Variants in OC90 observed in about 807,000 individuals in gnomAD.
OC90 encodes otoconin-90.
Under a neutral mutation model 47.3 loss-of-function variants are expected in OC90, and 46 were observed. The observed-to-expected ratio is 0.97, with a 90% CI of 0.77 to 1.24. The LOEUF (loss-of-function observed/expected upper bound fraction) is 1.24. OC90 is among the 50% of genes most tolerant of loss of function. The probability of loss-of-function intolerance (pLI) is 0.00; values close to 1 mark genes in which losing one functional copy is unlikely to be tolerated. For synonymous variants in OC90, 271 were observed against 219.5 expected (o/e 1.23, Z -2.07); for missense variants, 688 against 583.9 (o/e 1.18, Z -1.84).
rs202199741 is a variant in OC90, at chr8:132,029,101, C to T, written c.1110G>A (p.Pro370=). ...GCLLERLPWS[P]VVCVDHTPKC... ...TGGGCGTATGATCCACACACACCAC[C>T]GGTGACCAAGGAAGCCTCTCAAGCA... is the stretch of plus-strand genomic sequence containing the variant. The change falls in exon 13 of 14, where the codon CCG becomes CCA. Residue 370 remains proline, a synonymous_variant. Transcript: ENST00000254627. 112 of 1,613,670 alleles carry T rather than the reference C, an allele frequency of 6.9e-5. No homozygotes were observed. The highest frequency in any genetic ancestry group is 2.5e-4 in the East Asian group (11 of 44,892).
At chr8:132,033,203 G>A in intron 10 of OC90, 39 bp from the exon 11 acceptor site, 1 of 1,588,194 alleles carries the variant, frequency 6.3e-7, no homozygotes, top group Non-Finnish European at 8.6e-7. Context: ...TTCAAAAAGT[G>A]GCTCAAGGAG....
intron 11 of OC90, among the ~76,000 whole-genome samples, chr8:132,032,440 G>T (rs1445503104): frequency 2.6e-5 from 4 of 152,064 alleles, no homozygotes; most frequent in Non-Finnish European, 5.9e-5. Context: ...AGCACACCTG[G>T]CTGGGCTTGC....
intron 1 of OC90, among the ~76,000 whole-genome samples, chr8:132,056,839 T>G (rs2130866805): frequency 6.6e-6 from 1 of 152,232 alleles, no homozygotes; most frequent in East Asian, 1.9e-4. Context: ...GTAGTCACTT[T>G]CTGCCACTCA....
In OC90 at chr8:132,026,417, G is replaced by A. The variant is rs191678711; in HGVS notation, c.1139-1641C>T. Among the ~76,000 whole-genome samples the A allele has an allele frequency of 6.3e-4, 96 of 152,282 alleles. 2 individuals carry two copies. In the East Asian group the frequency reaches 0.014, roughly 23 times the overall value. ...CACGTCAGCCCCAGACATGCCAGTT[G>A]CATTTCAGCAGCAGGAAGTGACAAG... On this transcript the variant is annotated intron_variant, in intron 13 of 13. Transcript: ENST00000254627.
chr8:132,047,056 C>T (rs1207791759), intron 2 of OC90, among the ~76,000 whole-genome samples: 2 of 152,204 alleles, frequency 1.3e-5, no homozygotes, highest in East Asian at 1.9e-4. Context: ...GCAGGAAACA[C>T]TTCCATACAC....
intron 5 of OC90, 31 bp from the exon 6 acceptor site, chr8:132,041,187 G>C (rs200749425): frequency 2.2e-5 from 31 of 1,419,358 alleles, no homozygotes; most frequent in Non-Finnish European, 3.0e-5. Flanking sequence ...GGCAGGGTGA[G>C]AGTGTGGGTT....
chr8:132,028,216 A>G (rs1822786818), intron 13 of OC90, among the ~76,000 whole-genome samples: 1 of 152,064 alleles, frequency 6.6e-6, no homozygotes, highest in African/African-American at 2.4e-5. Flanking sequence ...CATTAAGAAG[A>G]GTATTGGTCG....
chr8:132,044,412 G>A (rs762980833), intron 4 of OC90, 21 bp downstream of exon 4: 1 of 1,429,844 alleles, frequency 7.0e-7, no homozygotes, highest in South Asian at 1.2e-5. Context: ...GTGGATAAAA[G>A]CAATTTTAGA....
At chr8:132,053,975 C>T (rs1251090598) in intron 2 of OC90, among the ~76,000 whole-genome samples, 3 of 152,218 alleles carry the variant, frequency 2.0e-5, no homozygotes, top group Non-Finnish European at 4.4e-5. Flanking sequence ...CCTCACCATG[C>T]ACAGAGACCC....
intron 2 of OC90, 115 bp downstream of exon 2, chr8:132,054,866 G>A (rs1823261250): frequency 1.7e-6 from 1 of 600,332 alleles, no homozygotes; most frequent in Non-Finnish European, 2.8e-6. Flanking sequence ...GAAAGATAAG[G>A]ACATTTAAAA....
rs559832903 is a variant in OC90 at position 132,038,648 on chromosome 8, G to A, written c.628+142C>T. ...TTTATCAGAAGTAACACATCTCCTAGCCAGAGAAGGCAGGACCACTTCCAG... is the reference window on the plus strand; with the variant it reads ...TTTATCAGAAGTAACACATCTCCTAACCAGAGAAGGCAGGACCACTTCCAG... On this transcript the variant is annotated intron_variant, in intron 8 of 13. Transcript: ENST00000254627. 546 of 699,528 alleles carry A rather than the reference G, an allele frequency of 7.8e-4. 1 individual carries two copies. Among genetic ancestry groups the A allele is most frequent in the Non-Finnish European group, 2.0e-4 (77 of 392,618 alleles). 43.3% of individuals were successfully genotyped at this position (699,528 alleles called of 1,614,324 possible).
rs188546512 is a variant in OC90 at position 132,037,432 on chromosome 8, G to C, written c.679+6C>G. The C allele has an allele frequency of 1.6e-5, 26 of 1,579,298 alleles. No individual in the cohort carries two copies. The highest frequency in any genetic ancestry group is 2.2e-5 in the Non-Finnish European group (25 of 1,161,148). On this transcript the variant is annotated splice_donor_region_variant and intron_variant, in intron 9 of 13. Transcript: ENST00000254627. The stretch of plus-strand genomic sequence containing the variant: ...TTGGGTTCCACACTAGCCCCTTCTG[G>C]CTCACCTTCTCCTGAAAGGGCTGTC...
At chr8:132,035,669 CATGAA>C (rs1822947990) in intron 9 of OC90, among the ~76,000 whole-genome samples, 1 of 152,206 alleles carries the variant, frequency 6.6e-6, no homozygotes, top group Non-Finnish European at 1.5e-5. Flanking sequence ...ACAAATGCTC[CATGAA>C]AGAGGGAGAT....
chr8:132,050,618 G>A (rs376758461), intron 2 of OC90, among the ~76,000 whole-genome samples: 3 of 152,104 alleles, frequency 2.0e-5, no homozygotes, highest in Admixed American at 6.6e-5. Context: ...TTCTTTCCTC[G>A]TTGAGCCTCA....
intron 9 of OC90, 120 bp downstream of exon 9, chr8:132,037,318 C>A: frequency 1.2e-6 from 1 of 820,892 alleles, no homozygotes; most frequent in South Asian, 1.5e-5. Flanking sequence ...TTCACACCAT[C>A]CCTTCGGTGC....
In OC90 at chr8:132,024,381, G is replaced by A; in HGVS notation, c.*100C>T. ...CCTCCCCGCCTCTGAGTTAAAGGAA[G>A]GGAAGAAGGCTCCAAGGGACAGAGG... On this transcript the variant is annotated 3_prime_UTR_variant, in exon 14 of 14. Transcript: ENST00000254627. The A allele has an allele frequency of 2.0e-6, 2 of 981,984 alleles. No homozygotes were observed. Among genetic ancestry groups the A allele is most frequent in the Admixed American group, 2.8e-5 (1 of 35,624 alleles). 60.8% of individuals were successfully genotyped at this position (981,984 alleles called of 1,614,324 possible). A position where few individuals can be genotyped will look rare whatever the true frequency, so the allele number is the denominator to read the frequency against.
intron 13 of OC90, among the ~76,000 whole-genome samples, chr8:132,027,975 T>A (rs1474071106): frequency 1.3e-5 from 2 of 152,198 alleles, no homozygotes; most frequent in Non-Finnish European, 2.9e-5. Context: ...AACTGTGTGA[T>A]CTTGGGCCTC....
chr8:132,028,581 A>G (rs1396236009), intron 13 of OC90, among the ~76,000 whole-genome samples: 11 of 92,900 alleles, frequency 1.2e-4, no homozygotes, highest in East Asian at 2.8e-4. Flanking sequence ...GAAGGAAGGA[A>G]GGAAGGAAGG....
chr8:132,036,273 TAAG>T, intron 9 of OC90: 1 of 752,442 alleles, frequency 1.3e-6, no homozygotes, highest in Admixed American at 1.8e-5. Context: ...CAGGTTCCAT[TAAG>T]AAGTGGTCAC....
Sources: allele counts gnomAD v4.1 joint callset (sites outside exome capture counted in the v4.1 genomes callset), GRCh38; gene constraint gnomAD v4.1.1; transcripts MANE v1.5; gene names NCBI Gene and HGNC (gene_info 2026-07-23, HGNC 2026-07-21).